TRIM67: variants seen among roughly 807,000 people sequenced by gnomAD.
The protein encoded by TRIM67 is tripartite motif containing 67, also known as tripartite motif-containing protein 67.
In TRIM67, 39 loss-of-function variants were observed where a neutral mutation model predicts 71.0. The observed-to-expected ratio is 0.55, with a 90% confidence interval of 0.43 to 0.72. The LOEUF is 0.72. Ranked by LOEUF, TRIM67 falls within the 30% of genes least tolerant of loss-of-function variation. TRIM67 has a pLI of 0.00. For synonymous variants in TRIM67, 481 were observed against 473.9 expected (o/e 1.01, Z -0.19); for missense variants, 973 against 1,079.2 (o/e 0.90, Z 1.38).
At position 231,220,952 on chromosome 1, in the gene TRIM67, T is replaced by G. The variant is rs1684126125; in HGVS notation, c.*5512T>G. The G allele has an allele frequency of 1.3e-5, 2 of 152,258 alleles. No homozygotes were observed. Among genetic ancestry groups the G allele is most frequent in the Non-Finnish European group, 2.9e-5 (2 of 68,116 alleles). 9.4% of individuals were successfully genotyped at this position (152,258 alleles called of 1,614,324 possible). A position where few individuals can be genotyped will look rare whatever the true frequency, so the allele number is the denominator to read the frequency against. Reference sequence around the variant, plus strand: ...TTGCAACTGCAGTAGCAGGAACATGTCAGGTGCTTACTGGGTGAGACCCAG... The same window carrying G: ...TTGCAACTGCAGTAGCAGGAACATGGCAGGTGCTTACTGGGTGAGACCCAG... On this transcript the variant is annotated 3_prime_UTR_variant, in exon 10 of 10. Transcript: ENST00000366653.
chr1:231,206,610 A>G, intron 6 of TRIM67, 42 bp from the exon 7 acceptor site: 1 of 1,502,760 alleles, frequency 6.7e-7, no homozygotes, highest in Non-Finnish European at 8.9e-7. Flanking sequence ...GGAGCTTTCC[A>G]AATGCTAGAG....
chr1:231,198,365 A>T (rs574529956), intron 2 of TRIM67, among the ~76,000 whole-genome samples: 1 of 152,172 alleles, frequency 6.6e-6, no homozygotes, highest in South Asian at 2.1e-4. Context: ...AAGCATTAAC[A>T]TATCTGGAGG....
chr1:231,185,565 C>T (rs1042006586), intron 1 of TRIM67, among the ~76,000 whole-genome samples: 5 of 151,762 alleles, frequency 3.3e-5, no homozygotes, highest in African/African-American at 1.2e-4. Flanking sequence ...TGGGCTGCAG[C>T]ACTGGGACCT....
chr1:231,202,609 T>G (rs1022160278), intron 5 of TRIM67, among the ~76,000 whole-genome samples: 32 of 152,170 alleles, frequency 2.1e-4, no homozygotes, highest in Non-Finnish European at 1.0e-4. Context: ...CTTTGGTTTT[T>G]GTGGACTGAG....
At chr1:231,185,228 G>A in intron 1 of TRIM67, 1 of 1,532,922 alleles carries the variant, frequency 6.5e-7, no homozygotes. Flanking sequence ...GCCTTTATCT[G>A]AAAACTCCCT....
intron 8 of TRIM67, among the ~76,000 whole-genome samples, chr1:231,211,821 C>T (rs1045484657): frequency 1.3e-5 from 2 of 152,194 alleles, no homozygotes; most frequent in African/African-American, 4.8e-5. Context: ...AGCCTGTGGT[C>T]TCAGCTACTC....
intron 6 of TRIM67, among the ~76,000 whole-genome samples, 197 bp from the exon 7 acceptor site, chr1:231,206,454 AC>A (rs2102757557): frequency 6.6e-6 from 1 of 152,206 alleles, no homozygotes; most frequent in East Asian, 1.9e-4. Flanking sequence ...AAAAATAAAA[AC>A]AAAAATTGTT....
At chr1:231,169,540 G>T (rs1394601455) in intron 1 of TRIM67, among the ~76,000 whole-genome samples, 3 of 151,434 alleles carry the variant, frequency 2.0e-5, no homozygotes, top group Non-Finnish European at 4.4e-5. Context: ...CACCACGCCT[G>T]GCCAATTTTT....
chr1:231,166,419 G>A (rs1682466334), intron 1 of TRIM67, among the ~76,000 whole-genome samples: 1 of 152,200 alleles, frequency 6.6e-6, no homozygotes, highest in South Asian at 2.1e-4. Flanking sequence ...TTGCTTTGTG[G>A]CTGGGCATCT....
chr1:231,190,434 T>TC (rs1229840572), intron 1 of TRIM67, among the ~76,000 whole-genome samples: 1 of 151,996 alleles, frequency 6.6e-6, no homozygotes, highest in Non-Finnish European at 1.5e-5. Context: ...TCAGGGGATC[T>TC]CCCCCCAGCT....
At chr1:231,165,090 C>T (rs1352480661) in intron 1 of TRIM67, among the ~76,000 whole-genome samples, 2 of 152,188 alleles carry the variant, frequency 1.3e-5, no homozygotes, top group African/African-American at 2.4e-5. Flanking sequence ...CTTACCCCAA[C>T]CCCTCCCCAA....
At chr1:231,174,152 C>CTTTTTTTT (rs35651112) in intron 1 of TRIM67, among the ~76,000 whole-genome samples, 366 of 127,230 alleles carry the variant, frequency 2.9e-3, no homozygotes, top group East Asian at 4.2e-3. Context: ...GTCTTATTTT[C>CTTTTTTTT]TTTTTTTTTT....
At chr1:231,193,561 A>T (rs1238092753) in intron 1 of TRIM67, among the ~76,000 whole-genome samples, 1 of 103,640 alleles carries the variant, frequency 9.6e-6, no homozygotes, top group African/African-American at 3.6e-5. Context: ...CTCTTGGTGC[A>T]CACACCAAGG....
At position 231,163,838 on chromosome 1, in the gene TRIM67, G is replaced by C; in HGVS notation, c.869G>C (p.Gly290Ala). The C allele has an allele frequency of 6.5e-7, 1 of 1,533,078 alleles. No homozygotes were observed. The allele number at this position is 1,533,078 out of a possible 1,614,324, so 95.0% of individuals were successfully genotyped here. ...AAGAGCCCGGGAGGCGCGGGGGCGG[G>C]GGCGACTGGGGGCAGCACGGCCCGC... Reference protein sequence around the residue: ...GCKSPGGAGAGATGGSTARKF... With the variant: ...GCKSPGGAGAAATGGSTARKF... Residue 290 changes from glycine (G) to alanine (A), a missense_variant, in exon 1 of 10, where the codon GGG (glycine) becomes GCG (alanine). Transcript: ENST00000366653.
intron 1 of TRIM67, among the ~76,000 whole-genome samples, chr1:231,178,501 G>A (rs1188247424): frequency 4.6e-5 from 7 of 152,226 alleles, no homozygotes; most frequent in Admixed American, 4.6e-4. Flanking sequence ...TGCTGTGAAA[G>A]GAGGGAATTG....
intron 8 of TRIM67, 114 bp from the exon 9 acceptor site, chr1:231,213,701 A>T: frequency 7.5e-7 from 1 of 1,328,982 alleles, no homozygotes; most frequent in East Asian, 2.5e-5. Flanking sequence ...ACTGCACTCC[A>T]GCCTGGGTGA....
intron 1 of TRIM67, among the ~76,000 whole-genome samples, chr1:231,189,809 C>G (rs1683187026): frequency 6.6e-6 from 1 of 152,050 alleles, no homozygotes; most frequent in African/African-American, 2.4e-5. Context: ...GGTTAGGATT[C>G]AACATATGAA....
intron 1 of TRIM67, among the ~76,000 whole-genome samples, chr1:231,195,466 G>A (rs1014251002): frequency 5.9e-5 from 9 of 152,206 alleles, no homozygotes; most frequent in Admixed American, 2.6e-4. Flanking sequence ...GGTACACTGT[G>A]GGCCAGCTAT....
At chr1:231,166,637 C>T (rs1292231919) in intron 1 of TRIM67, among the ~76,000 whole-genome samples, 1 of 152,180 alleles carries the variant, frequency 6.6e-6, no homozygotes, top group Non-Finnish European at 1.5e-5. Context: ...CTCTAACATT[C>T]CTGTGATTAA....
Sources: allele counts gnomAD v4.1 joint callset (sites outside exome capture counted in the v4.1 genomes callset), GRCh38; gene constraint gnomAD v4.1.1; transcripts MANE v1.5; gene names NCBI Gene and HGNC (gene_info 2026-07-23, HGNC 2026-07-21).